Variants in GPHN observed in about 807,000 individuals in gnomAD.
GPHN encodes gephyrin.
In GPHN, 17 loss-of-function variants were observed where a neutral mutation model predicts 95.5. The observed-to-expected ratio is 0.18, with a 90% confidence interval of 0.12 to 0.27. GPHN has a LOEUF of 0.27. Ranked by LOEUF, GPHN falls within the 10% of genes least tolerant of loss-of-function variation. The pLI is 1.00. For synonymous variants in GPHN, 320 were observed against 322.5 expected (o/e 0.99, Z 0.08); for missense variants, 660 against 978.1 (o/e 0.67, Z 4.34).
the GPHN span, among the ~76,000 whole-genome samples, chr14:67,495,344 A>G: frequency 2.0e-5 from 3 of 152,194 alleles, no homozygotes; most frequent in African/African-American, 7.2e-5. Flanking sequence ...GAAGGCATCC[A>G]TCCTAATGCC....
chr14:66,673,568 T>G (rs1025157260), intron 1 of GPHN, among the ~76,000 whole-genome samples: 4 of 152,230 alleles, frequency 2.6e-5, no homozygotes, highest in African/African-American at 4.8e-5. Context: ...AGAATACATG[T>G]GTATATAAGC....
At chr14:67,312,464 T>G in the GPHN span, 10 of 1,167,812 alleles carry the variant, frequency 8.6e-6, no homozygotes, top group Non-Finnish European at 1.2e-5. Flanking sequence ...GCATTTAAAT[T>G]GTATTCATAT....
intron 1 of GPHN, among the ~76,000 whole-genome samples, chr14:66,665,338 G>A (rs1384922564): frequency 5.9e-5 from 9 of 152,226 alleles, no homozygotes; most frequent in African/African-American, 2.2e-4. Flanking sequence ...GAAAATTTTT[G>A]CAATCTACTC....
At chr14:66,948,335 A>G (rs1457687832) in intron 8 of GPHN, among the ~76,000 whole-genome samples, 1 of 152,180 alleles carries the variant, frequency 6.6e-6, no homozygotes, top group Non-Finnish European at 1.5e-5. Context: ...TTTTAAGTTT[A>G]TAAAAAAGAT....
At chr14:67,233,798 C>G in the GPHN span, among the ~76,000 whole-genome samples, 16 of 152,272 alleles carry the variant, frequency 1.1e-4, no homozygotes, top group African/African-American at 3.6e-4. Context: ...GAAAGAACAC[C>G]TGGATAACTG....
chr14:67,122,201 AAATATGC>A, intron 16 of GPHN, 48 bp from the exon 17 acceptor site: 10 of 1,586,672 alleles, frequency 6.3e-6, no homozygotes, highest in Non-Finnish European at 8.6e-6. Context: ...TTTTCATTAG[AAATATGC>A]AACATTAACC....
chr14:67,679,378 C>G, the GPHN span, among the ~76,000 whole-genome samples: 1 of 151,816 alleles, frequency 6.6e-6, no homozygotes, highest in Non-Finnish European at 1.5e-5. Flanking sequence ...CATATACCCT[C>G]TCTTCATTGC....
intron 5 of GPHN, among the ~76,000 whole-genome samples, chr14:66,888,474 A>T (rs1335263436): frequency 6.6e-6 from 1 of 152,194 alleles, no homozygotes; most frequent in Non-Finnish European, 1.5e-5. Flanking sequence ...ACAGAGTAGT[A>T]TAAGAGCAGA....
intron 1 of GPHN, among the ~76,000 whole-genome samples, chr14:66,527,400 C>CAAA (rs55952354): frequency 3.1e-5 from 4 of 128,514 alleles, no homozygotes; most frequent in African/African-American, 1.1e-4. Context: ...TTGATCTTTT[C>CAAA]AAAAAAAAAA....
At chr14:67,136,147 C>T (rs1236149507) in intron 17 of GPHN, among the ~76,000 whole-genome samples, 1 of 152,162 alleles carries the variant, frequency 6.6e-6, no homozygotes, top group Non-Finnish European at 1.5e-5. Context: ...TTCTTCCACT[C>T]TCCAGTTGGT....
chr14:66,700,792 G>A (rs533586251), intron 2 of GPHN, among the ~76,000 whole-genome samples: 10 of 152,028 alleles, frequency 6.6e-5, no homozygotes, highest in Non-Finnish European at 1.3e-4. Flanking sequence ...GCGTGGTGGC[G>A]TGCGCCTATA....
chr14:66,875,789 C>T (rs2063634740), intron 4 of GPHN, among the ~76,000 whole-genome samples: 1 of 152,100 alleles, frequency 6.6e-6, no homozygotes, highest in Non-Finnish European at 1.5e-5. Context: ...CTTAGACTCC[C>T]ACACAATAAT....
At chr14:66,868,551 G>A (rs984104561) in intron 4 of GPHN, among the ~76,000 whole-genome samples, 4 of 152,034 alleles carry the variant, frequency 2.6e-5, no homozygotes, top group Non-Finnish European at 4.4e-5. Context: ...ATGCCACCAC[G>A]CCGGGCTAAT....
intron 9 of GPHN, among the ~76,000 whole-genome samples, chr14:67,018,386 A>G (rs1471280913): frequency 6.6e-6 from 1 of 152,076 alleles, no homozygotes; most frequent in South Asian, 2.1e-4. Context: ...GGCTGGTGTA[A>G]TCTAAGCTGG....
the GPHN span, among the ~76,000 whole-genome samples, chr14:67,372,063 G>T: frequency 1.5e-4 from 23 of 152,076 alleles, no homozygotes; most frequent in African/African-American, 5.3e-4. Flanking sequence ...CCAGGAGTTC[G>T]AGACCAGCCT....
the GPHN span, among the ~76,000 whole-genome samples, chr14:67,723,264 GCT>G: frequency 6.6e-6 from 1 of 152,152 alleles, no homozygotes; most frequent in East Asian, 1.9e-4. Context: ...TTTAATTTTT[GCT>G]CTGTCACCCC....
intron 2 of GPHN, among the ~76,000 whole-genome samples, chr14:66,758,388 A>G (rs1280486671): frequency 2.0e-5 from 3 of 152,142 alleles, no homozygotes; most frequent in Non-Finnish European, 2.9e-5. Flanking sequence ...AGGAATGAAG[A>G]CGATCTTAAC....
chr14:67,724,438 A>G, the GPHN span: 4 of 1,219,142 alleles, frequency 3.3e-6, no homozygotes, highest in Non-Finnish European at 4.7e-6. Flanking sequence ...CTCGTGAAGG[A>G]TGGTACGTGA....
intron 4 of GPHN, among the ~76,000 whole-genome samples, chr14:66,825,367 A>G (rs1245312200): frequency 6.6e-6 from 1 of 152,114 alleles, no homozygotes; most frequent in Non-Finnish European, 1.5e-5. Flanking sequence ...ACACTATTGT[A>G]TCTACTACCT....
Sources: gnomAD v4.1 joint callset for allele counts (sites outside exome capture counted in the v4.1 genomes callset) on GRCh38, gnomAD v4.1.1 for gene constraint, MANE v1.5 for transcripts, NCBI Gene and HGNC (gene_info 2026-07-23, HGNC 2026-07-21) for gene names.